UST: variants seen among roughly 807,000 people sequenced by gnomAD.
UST encodes chondroitin sulfate 2-O-sulfotransferase.
Under a neutral mutation model 45.6 loss-of-function variants are expected in UST, and 21 were observed. The ratio of observed to expected loss-of-function variants is 0.46; its 90% CI spans 0.33 to 0.66. The LOEUF (loss-of-function observed/expected upper bound fraction) is 0.66, where lower values mean the gene tolerates loss of function less well. UST is among the 30% of genes least tolerant of loss of function. UST has a pLI of 0.02. For missense variants in UST, 463 were observed against 512.4 expected (o/e 0.90, Z 0.93); for synonymous variants, 215 against 200.6 (o/e 1.07, Z -0.61).
intron 5 of UST, among the ~76,000 whole-genome samples, chr6:148,991,288 T>A (rs901109617): frequency 6.6e-6 from 1 of 152,212 alleles, no homozygotes; most frequent in East Asian, 1.9e-4. Flanking sequence ...CGTTTTTGAA[T>A]GTAGGCAACA....
chr6:149,023,780 AG>A (rs1357794355), intron 7 of UST, among the ~76,000 whole-genome samples: 3 of 152,314 alleles, frequency 2.0e-5, no homozygotes, highest in African/African-American at 7.2e-5. Context: ...TAAAAAGCTT[AG>A]CCCAGAGGAC....
chr6:148,754,238 C>T (rs1036553641), intron 1 of UST, among the ~76,000 whole-genome samples: 4 of 152,088 alleles, frequency 2.6e-5, no homozygotes, highest in East Asian at 1.9e-4. Flanking sequence ...CCTCGTGATT[C>T]GCCCGCCTCG....
At chr6:148,820,967 C>G (rs573220847) in intron 1 of UST, among the ~76,000 whole-genome samples, 14 of 121,694 alleles carry the variant, frequency 1.2e-4, no homozygotes, top group African/African-American at 3.9e-4. Context: ...TTTTTTAATT[C>G]CTTTTTTTTT....
chr6:148,931,631 A>G (rs1779923620), intron 2 of UST, among the ~76,000 whole-genome samples: 1 of 152,246 alleles, frequency 6.6e-6, no homozygotes, highest in Non-Finnish European at 1.5e-5. Context: ...GACTGAATAC[A>G]TAGCATGTAA....
In UST at chr6:149,043,005, TTCTTTCTTTC is replaced by T. The variant is rs1445684939; in HGVS notation, c.937+21526_937+21535del. Among the ~76,000 whole-genome samples, 293 of 117,414 alleles carry T rather than the reference TTCTTTCTTTC, an allele frequency of 2.5e-3. 3 individuals are homozygous for T. The highest frequency in any genetic ancestry group is 0.013 in the Middle Eastern group (3 of 236). 77.0% of individuals were successfully genotyped at this position (117,414 alleles called of 152,430 possible). On this transcript the variant is annotated intron_variant, in intron 7 of 7. Transcript: ENST00000367463. ...TTTCTTTCTTTCTTTCTTTCTTTCT[TTCTTTCTTTC>T]TTTCTTTTTCTTTCTTTCTTTCTTT... is the stretch of plus-strand genomic sequence containing the variant.
chr6:148,949,171 A>G (rs1342174522), intron 3 of UST, among the ~76,000 whole-genome samples: 1 of 151,824 alleles, frequency 6.6e-6, no homozygotes, highest in Non-Finnish European at 1.5e-5. Context: ...GGCGCCTATA[A>G]TCCCAGCTAC....
At chr6:148,827,093 C>T (rs920592245) in intron 1 of UST, among the ~76,000 whole-genome samples, 5 of 152,160 alleles carry the variant, frequency 3.3e-5, no homozygotes, top group African/African-American at 1.2e-4. Context: ...ATTGTTGATA[C>T]CGCCTGAAAT....
chr6:148,823,045 G>T lies in UST; in HGVS notation c.248-63941G>T, dbSNP rs566462325. On this transcript the variant is annotated intron_variant, in intron 1 of 7. Transcript: ENST00000367463. ...GCACATGTGGACACACACTGAGAGT[G>T]GTGTGTTTCCCCACATCTGTCTACA... 2.0e-5 allele frequency among the ~76,000 whole-genome samples: 3 copies of T among 152,272 alleles called. No individual in the cohort carries two copies. The East Asian group carries it at 5.8e-4, about 29-fold the overall frequency.
intron 7 of UST, among the ~76,000 whole-genome samples, chr6:149,069,487 G>T (rs1380056891): frequency 6.6e-6 from 1 of 152,186 alleles, no homozygotes; most frequent in Non-Finnish European, 1.5e-5. Context: ...TTTCCTTGAT[G>T]ATTAGCATGT....
At chr6:149,025,719 G>T (rs1776040096) in intron 7 of UST, among the ~76,000 whole-genome samples, 1 of 152,098 alleles carries the variant, frequency 6.6e-6, no homozygotes, top group Non-Finnish European at 1.5e-5. Context: ...TTTTAAAAAT[G>T]AGAAACTGAG....
intron 1 of UST, among the ~76,000 whole-genome samples, chr6:148,820,163 CTCTAA>C (rs745530881): frequency 2.6e-5 from 4 of 152,166 alleles, no homozygotes; most frequent in Non-Finnish European, 4.4e-5. Context: ...TACTAAAATC[CTCTAA>C]TCTTTTTCCT....
chr6:148,870,209 C>T (rs988383942), intron 1 of UST, among the ~76,000 whole-genome samples: 4 of 151,794 alleles, frequency 2.6e-5, no homozygotes, highest in Non-Finnish European at 5.9e-5. Flanking sequence ...AGACTTGAAC[C>T]CAGTCCGAGC....
At chr6:148,802,937 C>G (rs1777079275) in intron 1 of UST, among the ~76,000 whole-genome samples, 1 of 152,058 alleles carries the variant, frequency 6.6e-6, no homozygotes. Context: ...TTAAACATGC[C>G]TGTTAGATTG....
rs1776829886 is a variant in UST, at chr6:148,790,756, G to T, written c.247+43079G>T. Among the ~76,000 whole-genome samples, 1 of 152,166 alleles carries T rather than the reference G, an allele frequency of 6.6e-6. No individual in the cohort carries two copies. The highest frequency in any genetic ancestry group is 1.5e-5 in the Non-Finnish European group (1 of 68,038). On this transcript the variant is annotated intron_variant, in intron 1 of 7. Transcript: ENST00000367463. This position sits in a 1 kb window ranked among gnomAD's most constrained non-coding sequence, Gnocchi z 4.2. ...CCACATCCAATGCCTGGTTGATGTG[G>T]GGATACAAAGGTCTGATCCCCTTGC...
At chr6:148,955,265 A>G (rs981689451) in intron 4 of UST, among the ~76,000 whole-genome samples, 3 of 152,356 alleles carry the variant, frequency 2.0e-5, no homozygotes, top group Admixed American at 1.3e-4. Context: ...GCTCTGGTCC[A>G]GGGTGCCTGA....
chr6:148,852,926 T>C lies in UST; in HGVS notation c.248-34060T>C, dbSNP rs1048669557. 1.1e-4 allele frequency among the ~76,000 whole-genome samples: 17 copies of C among 152,308 alleles called. No individual in the cohort carries two copies. In the East Asian group the frequency reaches 2.7e-3, roughly 24 times the overall value. Reference sequence around the variant, plus strand: ...GTGCCTGTCACATGACTTTAGTAAATACCTGTTGAATGAATGAGGACACTT... The same window carrying C: ...GTGCCTGTCACATGACTTTAGTAAACACCTGTTGAATGAATGAGGACACTT... On this transcript the variant is annotated intron_variant, in intron 1 of 7. Transcript: ENST00000367463.
intron 1 of UST, among the ~76,000 whole-genome samples, chr6:148,769,491 G>A (rs1014077580): frequency 1.3e-5 from 2 of 152,222 alleles, no homozygotes; most frequent in African/African-American, 2.4e-5. Context: ...CATTGCCACC[G>A]TGCAGCTGTG....
chr6:148,886,212 T>C (rs989945628), intron 1 of UST, among the ~76,000 whole-genome samples: 11 of 152,244 alleles, frequency 7.2e-5, no homozygotes, highest in Non-Finnish European at 1.3e-4. Flanking sequence ...TTACCAGCTG[T>C]GTGACTGTGC....
chr6:148,980,751 C>T (rs1781115444), intron 5 of UST, among the ~76,000 whole-genome samples: 1 of 152,106 alleles, frequency 6.6e-6, no homozygotes, highest in Non-Finnish European at 1.5e-5. Flanking sequence ...CAGGATCTTC[C>T]TCTGTTGCCT....
Sources: allele counts gnomAD v4.1 joint callset (sites outside exome capture counted in the v4.1 genomes callset), GRCh38; gene constraint gnomAD v4.1.1; non-coding constraint Gnocchi (gnomAD v3.1); transcripts MANE v1.5; gene names NCBI Gene and HGNC (gene_info 2026-07-23, HGNC 2026-07-21).